BRINP1: variants seen among roughly 807,000 people sequenced by gnomAD.
BRINP1 encodes BMP/retinoic acid-inducible neural-specific protein 1.
BRINP1 carries 17 observed loss-of-function variants against 72.9 expected under a neutral mutation model. The observed-to-expected ratio is 0.23, with a 90% CI of 0.16 to 0.35. The LOEUF is 0.35. Among genes scored for constraint, BRINP1 ranks in the 10% least tolerant of loss-of-function variants. The pLI, the probability that BRINP1 is intolerant of heterozygous loss-of-function variation, is 1.00. For synonymous variants in BRINP1, 418 were observed against 378.5 expected (o/e 1.10, Z -1.21); for missense variants, 850 against 1,001.6 (o/e 0.85, Z 2.04).
chr9:119,214,232 C>T (rs932787232), intron 5 of BRINP1, 77 bp from the exon 6 acceptor site: 1 of 1,068,986 alleles, frequency 9.4e-7, no homozygotes, highest in Admixed American at 1.9e-5. Context: ...AAAGGTGATA[C>T]ATAGGAATCT....
intron 1 of BRINP1, among the ~76,000 whole-genome samples, chr9:119,330,703 T>C (rs1328919709): frequency 6.6e-6 from 1 of 152,168 alleles, no homozygotes; most frequent in Non-Finnish European, 1.5e-5. Context: ...ACCTTTCATA[T>C]TTGCCTCTCA....
chr9:119,282,887 G>A, intron 2 of BRINP1: 1 of 985,424 alleles, frequency 1.0e-6, no homozygotes, highest in Non-Finnish European at 1.2e-6. Flanking sequence ...TTTTCCCTGT[G>A]TACCGCAAAC....
At chr9:119,337,121 G>A (rs376519976) in intron 1 of BRINP1, among the ~76,000 whole-genome samples, 35 of 152,222 alleles carry the variant, frequency 2.3e-4, no homozygotes, top group Middle Eastern at 3.4e-3. Context: ...AACCCTTGCC[G>A]GAAAGAGATG....
At chr9:119,214,484 T>A (rs1444211572) in intron 5 of BRINP1, among the ~76,000 whole-genome samples, 1 of 152,208 alleles carries the variant, frequency 6.6e-6, no homozygotes, top group East Asian at 1.9e-4. Flanking sequence ...AATATAACAT[T>A]ATTGTTTATT....
At chr9:119,340,532 T>C (rs1399093827) in intron 1 of BRINP1, among the ~76,000 whole-genome samples, 4 of 152,152 alleles carry the variant, frequency 2.6e-5, no homozygotes, top group African/African-American at 9.7e-5. Flanking sequence ...TAATCTTCAA[T>C]GTATCATAAC....
chr9:119,169,533 A>T (rs578066479), intron 7 of BRINP1, among the ~76,000 whole-genome samples: 1 of 152,218 alleles, frequency 6.6e-6, no homozygotes, highest in Non-Finnish European at 1.5e-5. Context: ...ATCAAACTGC[A>T]AGGCGGCAGC....
At chr9:119,340,003 C>G (rs886707598) in intron 1 of BRINP1, among the ~76,000 whole-genome samples, 5 of 152,234 alleles carry the variant, frequency 3.3e-5, no homozygotes, top group Middle Eastern at 3.4e-3. Context: ...CCTCCCCAAG[C>G]TCCCCCTGTG....
chr9:119,282,848 C>T (rs1229632252), intron 2 of BRINP1: 1 of 985,162 alleles, frequency 1.0e-6, no homozygotes, highest in Admixed American at 6.2e-5. Flanking sequence ...GGAGAGACAG[C>T]AGTGATAGAT....
intron 5 of BRINP1, among the ~76,000 whole-genome samples, chr9:119,235,607 T>C (rs1435768506): frequency 6.6e-6 from 1 of 152,210 alleles, no homozygotes; most frequent in African/African-American, 2.4e-5. Context: ...GTATATTTCC[T>C]TGGGGCAGAA....
At chr9:119,345,989 T>C (rs1369991311) in intron 1 of BRINP1, among the ~76,000 whole-genome samples, 1 of 152,106 alleles carries the variant, frequency 6.6e-6, no homozygotes, top group East Asian at 1.9e-4. Flanking sequence ...AAGCCTGAGC[T>C]CACACCCAGG....
At chr9:119,364,185 T>G (rs1014153770) in intron 1 of BRINP1, among the ~76,000 whole-genome samples, 2 of 152,114 alleles carry the variant, frequency 1.3e-5, no homozygotes, top group Non-Finnish European at 2.9e-5. Context: ...TGTTGTGAAA[T>G]AATTATGTTT....
chr9:119,275,307 C>T (rs190985503), intron 2 of BRINP1, among the ~76,000 whole-genome samples: 1 of 152,326 alleles, frequency 6.6e-6, no homozygotes, highest in East Asian at 1.9e-4. Flanking sequence ...GAAGTCTTTG[C>T]TATTTTGCCC....
At chr9:119,175,812 A>G (rs1168105750) in intron 7 of BRINP1, among the ~76,000 whole-genome samples, 2 of 152,048 alleles carry the variant, frequency 1.3e-5, no homozygotes, top group African/African-American at 2.4e-5. Context: ...CATGCTACCA[A>G]TAAACTCTTG....
At chr9:119,286,268 T>C (rs1373237009) in intron 2 of BRINP1, among the ~76,000 whole-genome samples, 1 of 151,874 alleles carries the variant, frequency 6.6e-6, no homozygotes, top group Non-Finnish European at 1.5e-5. Flanking sequence ...AGTCTTGCTC[T>C]GTCGCCAGGG....
chr9:119,335,024 G>T (rs1254274676), intron 1 of BRINP1, among the ~76,000 whole-genome samples: 1 of 152,150 alleles, frequency 6.6e-6, no homozygotes, highest in Admixed American at 6.5e-5. Flanking sequence ...GTGATGGGGT[G>T]GCCATGCACT....
chr9:119,337,099 C>A (rs1305388885), intron 1 of BRINP1, among the ~76,000 whole-genome samples: 1 of 152,182 alleles, frequency 6.6e-6, no homozygotes, highest in Non-Finnish European at 1.5e-5. Context: ...GAACTCAATC[C>A]TCCCCTTTCT....
At chr9:119,318,547 C>A (rs934184498) in intron 1 of BRINP1, among the ~76,000 whole-genome samples, 12 of 151,938 alleles carry the variant, frequency 7.9e-5, no homozygotes, top group African/African-American at 2.9e-4. Flanking sequence ...AAAACAAATC[C>A]GTACATGTTG....
At chr9:119,320,745 G>A (rs377220839) in intron 1 of BRINP1, among the ~76,000 whole-genome samples, 1 of 152,162 alleles carries the variant, frequency 6.6e-6, no homozygotes, top group Admixed American at 6.5e-5. Flanking sequence ...TTCAATGCTC[G>A]GCTATAATCA....
intron 1 of BRINP1, among the ~76,000 whole-genome samples, chr9:119,319,883 T>C (rs1179391914): frequency 2.0e-5 from 3 of 152,170 alleles, no homozygotes; most frequent in African/African-American, 7.2e-5. Context: ...CAGCTGAAAT[T>C]AGATCCTGCT....
Sources: allele counts gnomAD v4.1 joint callset (sites outside exome capture counted in the v4.1 genomes callset), GRCh38; gene constraint gnomAD v4.1.1; transcripts MANE v1.5; gene names NCBI Gene and HGNC (gene_info 2026-07-23, HGNC 2026-07-21).